PCDH15: variants seen among roughly 807,000 people sequenced by gnomAD.
PCDH15 encodes the protein protocadherin related 15.
PCDH15 carries 129 observed loss-of-function variants against 178.5 expected under a neutral mutation model. The observed-to-expected ratio is 0.72, with a 90% CI of 0.63 to 0.84. The LOEUF (loss-of-function observed/expected upper bound fraction) is 0.84, where lower values mean the gene tolerates loss of function less well. Among genes scored for constraint, PCDH15 ranks in the 40% least tolerant of loss-of-function variants. The pLI is 0.00. For synonymous variants in PCDH15, 800 were observed against 732.0 expected, an observed-to-expected ratio of 1.09 and a Z score of -1.50; for missense variants, 2,230 against 2,099.9, an observed-to-expected ratio of 1.06 and a Z score of -1.21.
chr10:54,114,567 T>C (rs2095080653), intron 15 of PCDH15, among the ~76,000 whole-genome samples: 1 of 152,174 alleles, frequency 6.6e-6, no homozygotes, highest in African/African-American at 2.4e-5. Context: ...AATATAATAC[T>C]TGGCATGACA....
At chr10:54,749,401 T>C (rs1398334194) in intron 1 of PCDH15, among the ~76,000 whole-genome samples, 1 of 152,124 alleles carries the variant, frequency 6.6e-6, no homozygotes, top group Non-Finnish European at 1.5e-5. Flanking sequence ...CTAGGGAGCA[T>C]ATTCAAAGAA....
chr10:53,805,853 T>C lies in PCDH15; in HGVS notation c.*726A>G, dbSNP rs1236892485. ...CAAACAATTATTTAACCTCAAGTGA[T>C]TAAACTAAACTAAAGTATCTACCAT... On this transcript the variant is annotated 3_prime_UTR_variant, in exon 38 of 38. Transcript: ENST00000644397. The C allele has an allele frequency of 6.6e-6, 1 of 152,070 alleles. No homozygotes were observed. Among genetic ancestry groups the C allele is most frequent in the Non-Finnish European group, 1.5e-5 (1 of 68,008 alleles). The allele number at this position is 152,070 out of a possible 1,614,324, so 9.4% of individuals were successfully genotyped here. A position where few individuals can be genotyped will look rare whatever the true frequency, so the allele number is the denominator to read the frequency against.
chr10:54,591,382 T>C (rs1157996565), intron 2 of PCDH15, among the ~76,000 whole-genome samples: 3 of 152,144 alleles, frequency 2.0e-5, no homozygotes, highest in South Asian at 4.1e-4. Context: ...AAATGTAACA[T>C]TGCTAGTTTT....
intron 18 of PCDH15, among the ~76,000 whole-genome samples, chr10:54,041,967 TTGATA>T (rs2135522771): frequency 6.6e-6 from 1 of 152,190 alleles, no homozygotes; most frequent in East Asian, 1.9e-4. Context: ...TTGAGATTAT[TTGATA>T]TTAGTAACAT....
chr10:54,611,106 A>G (rs1007255456), intron 2 of PCDH15, among the ~76,000 whole-genome samples: 1 of 151,808 alleles, frequency 6.6e-6, no homozygotes, highest in Non-Finnish European at 1.5e-5. Context: ...GGAAATAAAC[A>G]CAGTTTAGCA....
chr10:55,535,450 G>T (rs559520875), intron 2 of PCDH15, among the ~76,000 whole-genome samples: 2 of 151,996 alleles, frequency 1.3e-5, no homozygotes, highest in African/African-American at 4.8e-5. Context: ...TTTATTATTT[G>T]TAAAGTCTAC....
rs369332026 is a variant in PCDH15 at position 54,915,932 on chromosome 10, G to A, written c.-79-18432C>T. On this transcript the variant is annotated intron_variant, in intron 2 of 5. Coordinates refer to the PCDH15 transcript ENST00000458638. ...CAACCTCCACCTCCTGGGTTCAAGC[G>A]ATTCTCCTGCCTCAGCCTCCCAAGT... Among the ~76,000 whole-genome samples, 391 of 152,142 alleles carry A rather than the reference G, an allele frequency of 2.6e-3. 26 individuals carry two copies. In the South Asian group the frequency reaches 0.078, roughly 30 times the overall value.
At chr10:55,124,758 C>T (rs1591921123) in intron 2 of PCDH15, among the ~76,000 whole-genome samples, 1 of 151,940 alleles carries the variant, frequency 6.6e-6, no homozygotes, top group East Asian at 1.9e-4. Flanking sequence ...CCTTGAAATG[C>T]CTAATGCCTA....
At chr10:55,100,481 G>GTAT (rs1842550656) in intron 2 of PCDH15, among the ~76,000 whole-genome samples, 1 of 152,080 alleles carries the variant, frequency 6.6e-6, no homozygotes, top group South Asian at 2.1e-4. Context: ...GTAAAAAAGT[G>GTAT]TATTAGTTTA....
At chr10:54,807,630 A>G (rs1456953019) in intron 3 of PCDH15, among the ~76,000 whole-genome samples, 3 of 150,462 alleles carry the variant, frequency 2.0e-5, no homozygotes, top group Non-Finnish European at 4.4e-5. Flanking sequence ...CTAGCCTCTT[A>G]GATTTCTTGA....
chr10:53,920,783 C>T (rs1397548278), intron 25 of PCDH15, among the ~76,000 whole-genome samples: 3 of 152,038 alleles, frequency 2.0e-5, no homozygotes, highest in East Asian at 3.9e-4. Context: ...ATTTTTTTTC[C>T]TCCTGAAATA....
At chr10:55,105,805 A>G (rs1842661049) in intron 2 of PCDH15, among the ~76,000 whole-genome samples, 1 of 152,058 alleles carries the variant, frequency 6.6e-6, no homozygotes, top group Non-Finnish European at 1.5e-5. Context: ...TATGGTAGTT[A>G]GACATTTTCT....
intron 1 of PCDH15, among the ~76,000 whole-genome samples, chr10:54,773,239 A>G (rs140743962): frequency 6.6e-6 from 1 of 152,238 alleles, no homozygotes; most frequent in African/African-American, 2.4e-5. Flanking sequence ...CTGCACATGT[A>G]CCCCGAACTT....
chr10:55,413,711 A>G (rs1202598163), intron 2 of PCDH15, among the ~76,000 whole-genome samples: 1 of 151,750 alleles, frequency 6.6e-6, no homozygotes. Flanking sequence ...TTCAGGTTAA[A>G]ATGTGTCTTT....
At chr10:54,179,593 AAAAG>A (rs1277339560) in intron 13 of PCDH15, among the ~76,000 whole-genome samples, 2 of 152,128 alleles carry the variant, frequency 1.3e-5, no homozygotes, top group Non-Finnish European at 2.9e-5. Flanking sequence ...AATTTAAAAA[AAAAG>A]AAGTACAATT....
chr10:54,300,520 T>C (rs1378550334), intron 8 of PCDH15, among the ~76,000 whole-genome samples: 2 of 152,164 alleles, frequency 1.3e-5, no homozygotes, highest in Non-Finnish European at 2.9e-5. Flanking sequence ...ACACTACAGC[T>C]GCAGGGCCCC....
intron 1 of PCDH15, among the ~76,000 whole-genome samples, chr10:55,282,868 C>A (rs1342891244): frequency 2.0e-5 from 3 of 152,154 alleles, no homozygotes; most frequent in Non-Finnish European, 4.4e-5. Flanking sequence ...CCTGACCTAA[C>A]CAACCCCATT....
chr10:53,868,862 C>G (rs2079632682), intron 26 of PCDH15, among the ~76,000 whole-genome samples: 1 of 152,084 alleles, frequency 6.6e-6, no homozygotes. Context: ...CTCTGTCACC[C>G]AGGCTGGAGT....
chr10:53,923,902 T>C (rs796923917), intron 25 of PCDH15, among the ~76,000 whole-genome samples: 11 of 152,374 alleles, frequency 7.2e-5, no homozygotes, highest in African/African-American at 2.6e-4. Flanking sequence ...AAACTCAGTC[T>C]TTCATTTTTC....
Sources: gnomAD v4.1 joint callset for allele counts (sites outside exome capture counted in the v4.1 genomes callset) on GRCh38, gnomAD v4.1.1 for gene constraint, MANE v1.5 for transcripts, NCBI Gene and HGNC (gene_info 2026-07-23, HGNC 2026-07-21) for gene names.